The following ITIH1 variants were observed in gnomAD, a reference collection of about 807,000 sequenced individuals.
ITIH1 encodes inter-alpha-trypsin inhibitor heavy chain H1.
Under a neutral mutation model 104.6 loss-of-function variants are expected in ITIH1, and 94 were observed. The observed-to-expected ratio is 0.90, with a 90% confidence interval of 0.76 to 1.07. ITIH1 has a LOEUF of 1.07. Ranked by LOEUF, ITIH1 falls within the 50% of genes least tolerant of loss-of-function variation. The pLI, the probability that ITIH1 is intolerant of heterozygous loss-of-function variation, is 0.00. For synonymous variants in ITIH1, 455 were observed against 464.4 expected (o/e 0.98, Z 0.26); for missense variants, 1,193 against 1,181.4 (o/e 1.01, Z -0.14).
intron 17 of ITIH1, 45 bp downstream of exon 17, chr3:52,788,111 A>G (rs752194229): frequency 1.3e-6 from 2 of 1,549,850 alleles, no homozygotes; most frequent in Non-Finnish European, 1.8e-6. Flanking sequence ...TTTGGGACCC[A>G]CCCTATCTGG....
rs1199020922 is a variant in ITIH1, at chr3:52,783,280, C to G, written c.1166C>G (p.Pro389Arg). 3 of 1,614,022 alleles carry G rather than the reference C, an allele frequency of 1.9e-6. No individual in the cohort carries two copies. Among genetic ancestry groups the G allele is most frequent in the Non-Finnish European group, 2.5e-6 (3 of 1,180,032 alleles). Reference sequence around the variant, plus strand: ...TTGAACCAAGTTCAGGAAAGCCTCCCAGAACTCAGCAACCATGCCTCAATA... The same window carrying G: ...TTGAACCAAGTTCAGGAAAGCCTCCGAGAACTCAGCAACCATGCCTCAATA... ...EILNQVQESL[P>R]ELSNHASILI... Residue 389 changes from proline to arginine, a missense_variant, in exon 10 of 22, where the codon CCA becomes CGA. Pro to Arg is a moderately radical substitution (Grantham distance 103, BLOSUM62 -2). Coordinates refer to ENST00000273283, the MANE Select transcript of ITIH1 (RefSeq NM_002215.4).
At chr3:52,782,453 G>A (rs758710447) in intron 8 of ITIH1, among the ~76,000 whole-genome samples, 186 bp downstream of exon 8, 1 of 152,216 alleles carries the variant, frequency 6.6e-6, no homozygotes. Context: ...CTGTGCAGTC[G>A]TGAGGAAGTG....
chr3:52,781,209 TTCTTCTTCTTCTTCTTCTTCTTC>T lies in ITIH1; in HGVS notation c.688-729_688-707del, dbSNP rs1699034671. Among the ~76,000 whole-genome samples, 4 of 14,342 alleles carry T rather than the reference TTCTTCTTCTTCTTCTTCTTCTTC, an allele frequency of 2.8e-4. 1 individual carries two copies. Among genetic ancestry groups the T allele is most frequent in the South Asian group, 2.4e-3 (1 of 424 alleles). 9.4% of individuals were successfully genotyped at this position (14,342 alleles called of 152,430 possible). ...ACCTCCTCCTCTTCTTTTTTTTTTT[TTCTTCTTCTTCTTCTTCTTCTTC>T]TTCTTCTTCTTCTTCTTCTTCTTCT... On this transcript the variant is annotated intron_variant, in intron 6 of 21. Coordinates refer to ENST00000273283, the MANE Select transcript of ITIH1 (RefSeq NM_002215.4).
At chr3:52,788,614 A>G (rs1165975222) in intron 18 of ITIH1, among the ~76,000 whole-genome samples, 1 of 147,720 alleles carries the variant, frequency 6.8e-6, no homozygotes, top group African/African-American at 2.5e-5. Flanking sequence ...AGGCTGGAGT[A>G]CAGTGGCGTT....
intron 3 of ITIH1, 97 bp downstream of exon 3, chr3:52,778,603 A>G: frequency 1.3e-6 from 2 of 1,559,602 alleles, no homozygotes; most frequent in Non-Finnish European, 1.7e-6. Context: ...AACGCAGAGC[A>G]TCTCCTCATT....
chr3:52,784,447 C>A lies in ITIH1; in HGVS notation c.1377C>A (p.Tyr459Ter). The A allele has an allele frequency of 6.2e-7, 1 of 1,614,078 alleles. No individual in the cohort carries two copies. The highest frequency in any genetic ancestry group is 8.5e-7 in the Non-Finnish European group (1 of 1,179,968). ...MENNGRAQRI[Y>*]EDHDATQQLQ... ...ACAACGGACGGGCCCAGAGAATCTA[C>A]GAGGACCATGATGCCACCCAGCAGC... The change falls in exon 11 of 22, where the codon TAC becomes TAA. Residue 459 changes from tyrosine (Y) to a stop codon, truncating the protein, a stop_gained. Coordinates refer to ENST00000273283, the MANE Select transcript of ITIH1 (RefSeq NM_002215.4). LOFTEE classifies it high-confidence loss of function.
chr3:52,781,220 CTTCT>C (rs1699038668), intron 6 of ITIH1, among the ~76,000 whole-genome samples: 2 of 42,618 alleles, frequency 4.7e-5, no homozygotes, highest in African/African-American at 1.8e-4. Flanking sequence ...TCTTCTTCTT[CTTCT>C]TCTTCTTCTT....
In ITIH1 at chr3:52,779,916, G is replaced by C. The variant is rs2154108182; in HGVS notation, c.573+322G>C. On this transcript the variant is annotated intron_variant, in intron 5 of 21. Coordinates refer to ENST00000273283, the MANE Select transcript of ITIH1 (RefSeq NM_002215.4). This position sits in a 1 kb window ranked among gnomAD's most constrained non-coding sequence, Gnocchi z 4.4. ...CTAGAAAGTCCCGCGCAGCCTGAGG[G>C]CCTGGAATTATTGCTGGCACCTAAG... The C allele has an allele frequency of 7.2e-7, 1 of 1,379,520 alleles. No homozygotes were observed. Among genetic ancestry groups the C allele is most frequent in the South Asian group, 1.5e-5 (1 of 64,520 alleles). 85.5% of individuals were successfully genotyped at this position (1,379,520 alleles called of 1,614,324 possible). A position where few individuals can be genotyped will look rare whatever the true frequency, so the allele number is the denominator to read the frequency against.
At chr3:52,780,464 A>G in intron 6 of ITIH1, 82 bp downstream of exon 6, 1 of 953,006 alleles carries the variant, frequency 1.0e-6, no homozygotes, top group East Asian at 2.6e-5. Flanking sequence ...GTCCAGCCTT[A>G]GCCCAGAAAC....
intron 5 of ITIH1, 63 bp from the exon 6 acceptor site, chr3:52,780,206 C>A: frequency 7.4e-7 from 1 of 1,349,642 alleles, no homozygotes; most frequent in Non-Finnish European, 1.0e-6. Context: ...TTGAGGCCAG[C>A]CTGGGCAACA....
chr3:52,777,642 G>T lies in ITIH1; in HGVS notation c.27G>T (p.Gly9=), dbSNP rs1173896063. The part of the protein sequence containing the change: MDGAMGPR[G]LLLCMYLVSL... Reference sequence around the variant, plus strand: ...TGGACGGTGCCATGGGGCCTCGGGGGCTGCTGTTGTGCATGTACCTGGTAT... The same window carrying T: ...TGGACGGTGCCATGGGGCCTCGGGGTCTGCTGTTGTGCATGTACCTGGTAT... The change falls in exon 1 of 22, where the codon GGG becomes GGT. Residue 9 remains glycine, a synonymous_variant. Transcript: ENST00000273283. 3.8e-6 allele frequency: 6 copies of T among 1,597,508 alleles called. No homozygotes were observed. The African/African-American group carries it at 4.0e-5, about 11-fold the overall frequency.
At position 52,777,626 on chromosome 3, in the gene ITIH1, C is replaced by T. The variant is rs1698939622; in HGVS notation, c.11C>T (p.Ala4Val). The change falls in exon 1 of 22, where the codon GCC becomes GTC. Residue 4 changes from alanine to valine, a missense_variant. Transcript: ENST00000273283. MDG[A>V]MGPRGLLLCM... ...CAGGAGCCTTAGAGCATGGACGGTG[C>T]CATGGGGCCTCGGGGGCTGCTGTTG... is the stretch of plus-strand genomic sequence containing the variant. 2 of 1,585,378 alleles carry T rather than the reference C, an allele frequency of 1.3e-6. No homozygotes were observed. Among genetic ancestry groups the T allele is most frequent in the Non-Finnish European group, 1.7e-6 (2 of 1,166,982 alleles).
chr3:52,791,643 T>C lies in ITIH1; in HGVS notation c.2606+15T>C, dbSNP rs913453249. On this transcript the variant is annotated intron_variant, in intron 21 of 21. Coordinates refer to ENST00000273283, the MANE Select transcript of ITIH1 (RefSeq NM_002215.4). ...ACGGTCACCAGGTGGGTGGGCTGCT[T>C]GCCCAGCACGTCTGCCCTCGGCCAC... The C allele has an allele frequency of 1.9e-6, 3 of 1,611,164 alleles. No individual in the cohort carries two copies. Among genetic ancestry groups the C allele is most frequent in the South Asian group, 1.1e-5 (1 of 91,034 alleles).
Position 52,784,466 on chromosome 3 carries a change from C to T in ITIH1, c.1396C>T (p.Gln466Ter). The T allele has an allele frequency of 2.5e-6, 4 of 1,613,902 alleles. No homozygotes were observed. Among genetic ancestry groups the T allele is most frequent in the Non-Finnish European group, 3.4e-6 (4 of 1,179,858 alleles). ...QRIYEDHDAT[Q>*]QLQGFYSQVA... is the part of the protein sequence containing the mutation. ...AATCTACGAGGACCATGATGCCACCCAGCAGCTGCAGGTCTCCCCTCACAA... is the reference window on the plus strand; with the variant it reads ...AATCTACGAGGACCATGATGCCACCTAGCAGCTGCAGGTCTCCCCTCACAA... The change falls in exon 11 of 22, where the codon CAG (glutamine) becomes TAG (stop). Residue 466 changes from glutamine (Q) to a stop codon, truncating the protein, a stop_gained. Transcript: ENST00000273283. LOFTEE classifies it high-confidence loss of function.
At chr3:52,788,883 G>A (rs778536625) in intron 18 of ITIH1, among the ~76,000 whole-genome samples, 29 of 152,108 alleles carry the variant, frequency 1.9e-4, no homozygotes, top group African/African-American at 6.0e-4. Context: ...TTCCGTTGCC[G>A]CCTTGAAACC....
chr3:52,782,881 G>A lies in ITIH1; in HGVS notation c.931-76G>A, dbSNP rs546602169. On this transcript the variant is annotated intron_variant, in intron 8 of 21. Transcript: ENST00000273283. ...TCCACCCTGTGGATCTCTGAAATGG[G>A]TATTTGGAGTTGGAAGGTGCTGTCC... 1.1e-4 allele frequency: 158 copies of A among 1,399,278 alleles called. 4 individuals carry two copies. The South Asian group carries it at 1.9e-3, about 17-fold the overall frequency. 86.7% of individuals were successfully genotyped at this position (1,399,278 alleles called of 1,614,324 possible).
rs767748491 is a variant in ITIH1 at position 52,778,985 on chromosome 3, G to A, written c.349G>A (p.Val117Met). Residue 117 changes from valine (V) to methionine (M), a missense_variant, in exon 4 of 22, where the codon GTG (valine) becomes ATG (methionine). Val to Met is a conservative substitution (Grantham distance 21). Coordinates refer to ENST00000273283, the MANE Select transcript of ITIH1 (RefSeq NM_002215.4). ...NAFIGDIKDK[V>M]TAWKQYRKAA... is the part of the protein sequence containing the mutation. The stretch of plus-strand genomic sequence containing the variant: ...ATTTATCGGAGACATAAAGGACAAG[G>A]TGACTGCATGGAAGCAGTACCGGAA... 4 of 1,614,038 alleles carry A rather than the reference G, an allele frequency of 2.5e-6. No homozygotes were observed. The highest frequency in any genetic ancestry group is 2.5e-6 in the Non-Finnish European group (3 of 1,179,972).
At chr3:52,777,764 G>A in intron 1 of ITIH1, 32 bp downstream of exon 1, 1 of 1,543,650 alleles carries the variant, frequency 6.5e-7, no homozygotes, top group Non-Finnish European at 8.8e-7. Flanking sequence ...GCAGAAATAG[G>A]CAGCTGAACC....
intron 3 of ITIH1, 22 bp downstream of exon 3, chr3:52,778,528 A>T: frequency 6.2e-7 from 1 of 1,613,304 alleles, no homozygotes; most frequent in Non-Finnish European, 8.5e-7. Context: ...CCCAACTCCC[A>T]TGCCTTCTCC....
Sources: allele counts gnomAD v4.1 joint callset (sites outside exome capture counted in the v4.1 genomes callset), GRCh38; gene constraint gnomAD v4.1.1; non-coding constraint Gnocchi (gnomAD v3.1); transcripts MANE v1.5; gene names NCBI Gene and HGNC (gene_info 2026-07-23, HGNC 2026-07-21).